Variants in NOL4 observed in about 807,000 individuals in gnomAD.
The protein encoded by NOL4 is cancer/testis antigen 125.
In NOL4, 17 loss-of-function variants were observed where a neutral mutation model predicts 75.9. That is an observed-to-expected ratio of 0.22 (90% CI 0.15 to 0.34). The LOEUF (loss-of-function observed/expected upper bound fraction) is 0.34. NOL4 is among the 10% of genes least tolerant of loss of function. The probability of loss-of-function intolerance (pLI) is 1.00; values close to 1 mark genes in which losing one functional copy is unlikely to be tolerated. For missense variants in NOL4, 614 were observed against 793.5 expected (o/e 0.77, Z 2.72); for synonymous variants, 292 against 289.9 (o/e 1.01, Z -0.07).
chr18:34,057,299 C>T (rs190631267), intron 5 of NOL4, among the ~76,000 whole-genome samples: 5 of 152,282 alleles, frequency 3.3e-5, no homozygotes, highest in Admixed American at 2.6e-4. Flanking sequence ...TGTACACTCA[C>T]GAGCACACAT....
At chr18:34,215,643 T>A (rs2146597120) in intron 1 of NOL4, among the ~76,000 whole-genome samples, 1 of 151,982 alleles carries the variant, frequency 6.6e-6, no homozygotes, top group South Asian at 2.1e-4. Context: ...GATGGGAAAA[T>A]GGAAGGAAGA....
chr18:34,180,332 G>C (rs2033927554), intron 1 of NOL4, among the ~76,000 whole-genome samples: 1 of 151,384 alleles, frequency 6.6e-6, no homozygotes, highest in African/African-American at 2.4e-5. Context: ...CAAAGCTGAT[G>C]GAATAGATAA....
rs1373241278 is a variant in NOL4, at chr18:33,957,607, A to G, written c.1237-90T>C. The G allele has an allele frequency of 3.8e-6, 4 of 1,056,276 alleles. No homozygotes were observed. In the African/African-American group the frequency reaches 6.4e-5, roughly 17 times the overall value. The allele number at this position is 1,056,276 out of a possible 1,614,324, so 65.4% of individuals were successfully genotyped here. On this transcript the variant is annotated intron_variant, in intron 7 of 10. Coordinates refer to ENST00000261592, the MANE Select transcript of NOL4 (RefSeq NM_003787.5). ...CTGTCTTGATTACCGATAGGAAAAT[A>G]CTGTTTTCTGGTTTATGCACTGGAG...
At chr18:34,218,099 CAAAAAAA>C (rs79445733) in intron 1 of NOL4, among the ~76,000 whole-genome samples, 16 of 128,150 alleles carry the variant, frequency 1.2e-4, no homozygotes, top group African/African-American at 2.5e-4. Context: ...CCAGTTAGAC[CAAAAAAA>C]AAAAAACAAA....
chr18:34,015,839 G>A (rs1468253224), intron 6 of NOL4, among the ~76,000 whole-genome samples: 1 of 152,008 alleles, frequency 6.6e-6, no homozygotes, highest in Non-Finnish European at 1.5e-5. Context: ...AAACGGATTC[G>A]TCATCCACTT....
chr18:34,115,947 C>T (rs1437438669), intron 2 of NOL4, among the ~76,000 whole-genome samples: 2 of 152,014 alleles, frequency 1.3e-5, no homozygotes, highest in Non-Finnish European at 2.9e-5. Flanking sequence ...CTTGTAAAGG[C>T]CTTAATTCAT....
chr18:34,150,909 A>C (rs2081612097), intron 1 of NOL4, among the ~76,000 whole-genome samples: 1 of 151,764 alleles, frequency 6.6e-6, no homozygotes, highest in African/African-American at 2.4e-5. Context: ...CAATAGGAAA[A>C]CAAACAAACT....
chr18:34,097,495 G>C (rs968203979), intron 4 of NOL4, among the ~76,000 whole-genome samples: 13 of 152,142 alleles, frequency 8.5e-5, no homozygotes, highest in African/African-American at 3.1e-4. Context: ...GCCCAGTCCA[G>C]TGCTGTTCAA....
chr18:34,206,141 G>A (rs2036106861), intron 1 of NOL4, among the ~76,000 whole-genome samples: 1 of 151,984 alleles, frequency 6.6e-6, no homozygotes, highest in Non-Finnish European at 1.5e-5. Context: ...AGTACTTAGG[G>A]AATTTCCAGA....
intron 1 of NOL4, among the ~76,000 whole-genome samples, chr18:34,177,707 A>G (rs1014281296): frequency 6.6e-6 from 1 of 151,888 alleles, no homozygotes; most frequent in Non-Finnish European, 1.5e-5. Flanking sequence ...GCCAGAATGT[A>G]CATAGTCAAA....
chr18:34,178,638 A>G (rs1282065732), intron 1 of NOL4, among the ~76,000 whole-genome samples: 1 of 151,728 alleles, frequency 6.6e-6, no homozygotes, highest in East Asian at 1.9e-4. Context: ...TAAAGTTGTC[A>G]AGCCATCAAG....
chr18:34,023,912 G>A (rs1407731686), intron 5 of NOL4, among the ~76,000 whole-genome samples: 2 of 151,862 alleles, frequency 1.3e-5, no homozygotes, highest in African/African-American at 4.8e-5. Flanking sequence ...CCATGAATTA[G>A]TAGAGACCCT....
chr18:34,165,135 A>G (rs1264641249), intron 1 of NOL4, among the ~76,000 whole-genome samples: 1 of 151,608 alleles, frequency 6.6e-6, no homozygotes, highest in Non-Finnish European at 1.5e-5. Flanking sequence ...AGATATACCT[A>G]ATGCTAAATG....
intron 2 of NOL4, among the ~76,000 whole-genome samples, chr18:34,113,136 T>TTTTTGTTTTG (rs150317037): frequency 0.03 from 4,609 of 151,932 alleles, 76 homozygotes; most frequent in Middle Eastern, 0.048. Flanking sequence ...AGCCCAACTT[T>TTTTTGTTTTG]TTTTGTTTTG....
At chr18:34,076,268 C>T (rs2145329710) in intron 5 of NOL4, among the ~76,000 whole-genome samples, 1 of 152,282 alleles carries the variant, frequency 6.6e-6, no homozygotes. Flanking sequence ...TGGGCCTCTA[C>T]TTTCTCCATG....
chr18:34,020,693 T>C (rs902815533), intron 5 of NOL4, among the ~76,000 whole-genome samples: 4 of 152,130 alleles, frequency 2.6e-5, no homozygotes, highest in Non-Finnish European at 4.4e-5. Context: ...GGGATGTGAG[T>C]CATGAAGTAC....
intron 9 of NOL4, among the ~76,000 whole-genome samples, chr18:33,911,523 A>G (rs547851988): frequency 3.3e-5 from 5 of 152,288 alleles, no homozygotes; most frequent in Non-Finnish European, 5.9e-5. Context: ...CATACACAGT[A>G]TATGTTTTTG....
chr18:34,012,496 TA>T (rs2074430851), intron 6 of NOL4, among the ~76,000 whole-genome samples: 1 of 151,858 alleles, frequency 6.6e-6, no homozygotes, highest in Non-Finnish European at 1.5e-5. Context: ...ATATACTATT[TA>T]TATGTGTGTG....
intron 5 of NOL4, among the ~76,000 whole-genome samples, chr18:34,039,286 A>T (rs1198917448): frequency 2.0e-5 from 3 of 152,014 alleles, no homozygotes; most frequent in Non-Finnish European, 4.4e-5. Context: ...GCATAATAGA[A>T]TGAGACACAA....
Sources: gnomAD v4.1 joint callset for allele counts (sites outside exome capture counted in the v4.1 genomes callset) on GRCh38, gnomAD v4.1.1 for gene constraint, MANE v1.5 for transcripts, NCBI Gene and HGNC (gene_info 2026-07-23, HGNC 2026-07-21) for gene names.